MAF: variants seen among roughly 807,000 people sequenced by gnomAD.
The protein encoded by MAF is MAF bZIP transcription factor.
MAF carries 10 observed loss-of-function variants against 22.0 expected under a neutral mutation model. That is an observed-to-expected ratio of 0.45 (90% CI 0.28 to 0.77). The LOEUF (loss-of-function observed/expected upper bound fraction) is 0.77, where lower values mean the gene tolerates loss of function less well. Among genes scored for constraint, MAF ranks in the 30% least tolerant of loss-of-function variants. The pLI is 0.12. For synonymous variants in MAF, 337 were observed against 255.8 expected (o/e 1.32, Z -3.03); for missense variants, 544 against 548.4 (o/e 0.99, Z 0.08).
intron 1 of MAF, 138 bp from the exon 2 acceptor site, chr16:79,594,691 G>C: frequency 6.9e-7 from 1 of 1,458,058 alleles, no homozygotes; most frequent in East Asian, 2.5e-5. Context: ...CACTTACTCA[G>C]GATTTAGGAG....
At chr16:79,223,047 G>C in the MAF span, among the ~76,000 whole-genome samples, 2 of 151,974 alleles carry the variant, frequency 1.3e-5, no homozygotes, top group South Asian at 4.1e-4. Context: ...ACTCTCCACC[G>C]CAAATCAACA....
chr16:79,565,449 C>T, the MAF span, among the ~76,000 whole-genome samples: 1 of 152,102 alleles, frequency 6.6e-6, no homozygotes, highest in African/African-American at 2.4e-5. Context: ...TATGGTTTCG[C>T]TGTGTCCCCA....
At chr16:79,585,829 G>T, downstream of MAF, 2 of 366,710 alleles carry the variant, frequency 5.5e-6, no homozygotes, top group Non-Finnish European at 9.2e-6. Flanking sequence ...ACAAAGAAAA[G>T]GAAAAAAAAA....
chr16:79,320,025 A>T, the MAF span, among the ~76,000 whole-genome samples: 7 of 152,192 alleles, frequency 4.6e-5, no homozygotes. Flanking sequence ...GGGTTAGCCC[A>T]GGAGTATGAG....
chr16:79,582,288 A>G (rs1167115016), downstream of MAF, among the ~76,000 whole-genome samples: 1 of 152,236 alleles, frequency 6.6e-6, no homozygotes, highest in Non-Finnish European at 1.5e-5. Context: ...GCGGCAGTAA[A>G]TCGGAGATTT....
the MAF span, among the ~76,000 whole-genome samples, chr16:79,207,483 A>ATAAC: frequency 2.0e-5 from 3 of 152,224 alleles, no homozygotes; most frequent in African/African-American, 7.2e-5. Flanking sequence ...CATTCCTTTC[A>ATAAC]TAACTCTACT....
downstream of MAF, among the ~76,000 whole-genome samples, chr16:79,583,094 G>A (rs1912624782): frequency 6.6e-6 from 1 of 152,130 alleles, no homozygotes; most frequent in South Asian, 2.1e-4. Context: ...AGCTATACAC[G>A]TTGCGCTAAG....
chr16:79,337,934 C>T, the MAF span, among the ~76,000 whole-genome samples: 4 of 152,080 alleles, frequency 2.6e-5, no homozygotes, highest in Non-Finnish European at 5.9e-5. Flanking sequence ...TGTCTTGTAG[C>T]TTAGCAGCCG....
the MAF span, among the ~76,000 whole-genome samples, chr16:79,236,646 G>A: frequency 6.6e-6 from 1 of 152,168 alleles, no homozygotes; most frequent in African/African-American, 2.4e-5. Context: ...TTGAGGCCAG[G>A]CTACAAGGCT....
the MAF span, among the ~76,000 whole-genome samples, chr16:79,491,531 C>T: frequency 2.0e-5 from 3 of 152,154 alleles, no homozygotes; most frequent in Non-Finnish European, 2.9e-5. Context: ...TGAAATCAAT[C>T]ACCAACATCC....
the MAF span, among the ~76,000 whole-genome samples, chr16:79,298,349 C>T: frequency 6.6e-6 from 1 of 152,246 alleles, no homozygotes; most frequent in Admixed American, 6.5e-5. Context: ...TTTACAGAGG[C>T]ACCTCTTGTT....
the MAF span, among the ~76,000 whole-genome samples, chr16:79,363,362 G>A: frequency 1.8e-4 from 28 of 152,292 alleles, no homozygotes; most frequent in African/African-American, 6.7e-4. Context: ...ACCTAACTTA[G>A]CAGACATCAT....
At chr16:79,367,232 C>G in the MAF span, among the ~76,000 whole-genome samples, 3 of 152,176 alleles carry the variant, frequency 2.0e-5, no homozygotes, top group African/African-American at 7.2e-5. Context: ...GCTGAACACC[C>G]ACTTCTTTGA....
At chr16:79,357,495 C>T in the MAF span, among the ~76,000 whole-genome samples, 1 of 152,158 alleles carries the variant, frequency 6.6e-6, no homozygotes, top group Non-Finnish European at 1.5e-5. Context: ...CTGAAAGTCT[C>T]CTGAGCACTG....
At chr16:79,338,718 C>G in the MAF span, among the ~76,000 whole-genome samples, 35 of 152,244 alleles carry the variant, frequency 2.3e-4, no homozygotes, top group East Asian at 4.3e-3. Flanking sequence ...GCTTTATAAT[C>G]TATACACTCG....
At chr16:79,530,356 G>C in the MAF span, among the ~76,000 whole-genome samples, 3 of 152,134 alleles carry the variant, frequency 2.0e-5, no homozygotes, top group African/African-American at 7.2e-5. Context: ...ACACATCAGG[G>C]TCCCAAAGTG....
the MAF span, among the ~76,000 whole-genome samples, chr16:79,552,665 G>A: frequency 6.6e-5 from 10 of 152,140 alleles, no homozygotes; most frequent in East Asian, 3.9e-4. Context: ...CAGGATCTTG[G>A]CTCTCATGAT....
chr16:79,237,571 G>A, the MAF span, among the ~76,000 whole-genome samples: 1 of 152,058 alleles, frequency 6.6e-6, no homozygotes, highest in African/African-American at 2.4e-5. Context: ...GCCTTTCAGA[G>A]TATGGAGACG....
the MAF span, chr16:79,203,839 G>A: frequency 6.6e-6 from 1 of 152,030 alleles, no homozygotes; most frequent in Non-Finnish European, 1.5e-5. Flanking sequence ...GGCGAATACA[G>A]ATGCATACAT....
Sources: gnomAD v4.1 joint callset for allele counts (sites outside exome capture counted in the v4.1 genomes callset) on GRCh38, gnomAD v4.1.1 for gene constraint, MANE v1.5 for transcripts, NCBI Gene and HGNC (gene_info 2026-07-23, HGNC 2026-07-21) for gene names.